The following CHD2 variants were observed in gnomAD, a reference collection of about 807,000 sequenced individuals.
CHD2 encodes the protein ATP-dependent chromatin remodeler CHD2.
A neutral mutation model predicts 243.9 loss-of-function variants in CHD2; 28 were observed. The observed-to-expected ratio is 0.11, with a 90% CI of 0.09 to 0.16. CHD2 has a LOEUF of 0.16. Ranked by LOEUF, CHD2 falls within the 10% of genes least tolerant of loss-of-function variation. The pLI is 1.00. For missense variants in CHD2, 1,386 were observed against 2,209.8 expected, an observed-to-expected ratio of 0.63 and a Z score of 7.47; for synonymous variants, 775 against 779.0, an observed-to-expected ratio of 0.99 and a Z score of 0.09.
At position 92,944,389 on chromosome 15, in the gene CHD2, A is replaced by G. The variant is rs1358571701; in HGVS notation, c.1053-26A>G. ...GATCCCCAGACTTTAGTTTATGTGT[A>G]CTTTTTCTGTCTGTCTGCCATTCAG... On this transcript the variant is annotated intron_variant, in intron 9 of 38. Coordinates refer to ENST00000394196, the MANE Select transcript of CHD2 (RefSeq NM_001271.4). The G allele has an allele frequency of 4.4e-6, 6 of 1,368,506 alleles. No homozygotes were observed. The African/African-American group carries it at 7.2e-5, about 16-fold the overall frequency. The allele number at this position is 1,368,506 out of a possible 1,614,324, so 84.8% of individuals were successfully genotyped here.
chr15:93,002,174 T>A lies in CHD2; in HGVS notation c.4138-3T>A. The A allele has an allele frequency of 6.3e-7, 1 of 1,580,756 alleles. No homozygotes were observed. Among genetic ancestry groups the A allele is most frequent in the Non-Finnish European group, 8.5e-7 (1 of 1,171,330 alleles). ...AAATTCATAGCCCTGTTTTGTTTCC[T>A]AGGATGATGGCTTGGAAAAAAGTCC... On this transcript the variant is annotated splice_polypyrimidine_tract_variant and splice_region_variant and intron_variant, in intron 32 of 38. Coordinates refer to ENST00000394196, the MANE Select transcript of CHD2 (RefSeq NM_001271.4).
At chr15:92,989,096 A>T (rs1407560927) in intron 26 of CHD2, among the ~76,000 whole-genome samples, 1 of 128,292 alleles carries the variant, frequency 7.8e-6, no homozygotes, top group Non-Finnish European at 1.5e-5. Context: ...CAATGGCGCG[A>T]TTTTGGCTCA....
In CHD2 at chr15:93,024,985, T is replaced by A. The variant is rs1378286769; in HGVS notation, c.*280T>A. 5 of 391,854 alleles carry A rather than the reference T, an allele frequency of 1.3e-5. No individual in the cohort carries two copies. The highest frequency in any genetic ancestry group is 1.0e-4 in the African/African-American group (5 of 48,266). The allele number at this position is 391,854 out of a possible 1,614,324, so 24.3% of individuals were successfully genotyped here. On this transcript the variant is annotated 3_prime_UTR_variant, in exon 39 of 39. Transcript: ENST00000394196. Reference sequence around the variant, plus strand: ...TTGGAGGAGGAGCTGACTGTGTGTGTACCAGCTTCACTGGGATGTGTTTCC... The same window carrying A: ...TTGGAGGAGGAGCTGACTGTGTGTGAACCAGCTTCACTGGGATGTGTTTCC...
intron 3 of CHD2, among the ~76,000 whole-genome samples, chr15:92,926,112 C>G (rs1216050566): frequency 6.6e-6 from 1 of 152,182 alleles, no homozygotes; most frequent in Non-Finnish European, 1.5e-5. Context: ...GCTGGGACTA[C>G]AGGCACGTAT....
intron 10 of CHD2, 39 bp downstream of exon 10, chr15:92,944,554 TGAG>T (rs767189349): frequency 1.9e-6 from 2 of 1,042,122 alleles, no homozygotes; most frequent in East Asian, 5.0e-5. Context: ...TATTTGAACT[TGAG>T]GAATAGTGGC....
chr15:92,909,593 G>A (rs1187540642), intron 2 of CHD2, among the ~76,000 whole-genome samples: 2 of 152,114 alleles, frequency 1.3e-5, no homozygotes, highest in Admixed American at 1.3e-4. Context: ...TTGTTATTGT[G>A]GGGAGCGTCT....
intron 2 of CHD2, among the ~76,000 whole-genome samples, chr15:92,921,789 T>G (rs1366747968): frequency 1.3e-5 from 2 of 152,162 alleles, no homozygotes; most frequent in Non-Finnish European, 2.9e-5. Flanking sequence ...CTGGTAGATG[T>G]CACATAGGTT....
intron 2 of CHD2, among the ~76,000 whole-genome samples, chr15:92,918,810 TATATACAC>T (rs1200970546): frequency 6.7e-6 from 1 of 148,590 alleles, no homozygotes; most frequent in Non-Finnish European, 1.5e-5. Context: ...TATACACACA[TATATACAC>T]ATATACATAT....
chr15:92,933,755 A>C (rs923493885), intron 5 of CHD2, among the ~76,000 whole-genome samples: 1 of 152,130 alleles, frequency 6.6e-6, no homozygotes, highest in African/African-American at 2.4e-5. Context: ...GCAGGCGCAC[A>C]CCACCACACC....
Position 92,901,233 on chromosome 15 carries a change from A to T in CHD2, c.-5A>T. 6.4e-7 allele frequency: 1 copy of T among 1,572,050 alleles called. No individual in the cohort carries two copies. Among genetic ancestry groups the T allele is most frequent in the Non-Finnish European group, 8.7e-7 (1 of 1,143,074 alleles). ...CCCTCCCCCTTAATATTTAAGAATT[A>T]AAAGATGATGAGAAATAAGGACAAA... On this transcript the variant is annotated 5_prime_UTR_variant, in exon 2 of 39. Transcript: ENST00000394196.
In CHD2 at chr15:92,997,459, A is replaced by G. The variant is rs1390301296; in HGVS notation, c.3885+56A>G. On this transcript the variant is annotated intron_variant, in intron 30 of 38. Coordinates refer to ENST00000394196, the MANE Select transcript of CHD2 (RefSeq NM_001271.4). The surrounding 1 kb of genome is among the most constrained non-coding windows in gnomAD (Gnocchi z 4.1). ...AGAAGATTTGTTGTGTAATATTTTTATATCGATTACTTATTTCTAACTATT... is the reference window on the plus strand; with the variant it reads ...AGAAGATTTGTTGTGTAATATTTTTGTATCGATTACTTATTTCTAACTATT... 4.8e-6 allele frequency: 7 copies of G among 1,446,218 alleles called. No homozygotes were observed. The highest frequency in any genetic ancestry group is 5.5e-6 in the Non-Finnish European group (6 of 1,082,784). 89.6% of individuals were successfully genotyped at this position (1,446,218 alleles called of 1,614,324 possible).
chr15:92,932,304 T>TA (rs56856972), intron 5 of CHD2, among the ~76,000 whole-genome samples: 1 of 151,758 alleles, frequency 6.6e-6, no homozygotes, highest in Non-Finnish European at 1.5e-5. Context: ...TTTTTTTTTT[T>TA]AATTGTACTT....
chr15:92,921,113 CAT>C (rs1366345958), intron 2 of CHD2, among the ~76,000 whole-genome samples: 1 of 147,396 alleles, frequency 6.8e-6, no homozygotes, highest in Non-Finnish European at 1.5e-5. Context: ...ACTGCTGTGA[CAT>C]ATGTCAGTAT....
intron 2 of CHD2, among the ~76,000 whole-genome samples, chr15:92,914,182 T>G (rs914710642): frequency 6.6e-6 from 1 of 152,212 alleles, no homozygotes; most frequent in African/African-American, 2.4e-5. Context: ...CCTTAGGGCT[T>G]TAATGGGTGT....
intron 20 of CHD2, among the ~76,000 whole-genome samples, chr15:92,977,060 C>A (rs553304842): frequency 2.4e-4 from 36 of 152,100 alleles, no homozygotes; most frequent in African/African-American, 8.4e-4. Context: ...TCCACGTTAT[C>A]CTTGCTAAAG....
At chr15:92,928,054 G>A (rs1368736540) in intron 4 of CHD2, among the ~76,000 whole-genome samples, 1 of 152,132 alleles carries the variant, frequency 6.6e-6, no homozygotes, top group African/African-American at 2.4e-5. Flanking sequence ...TGCTTTCTTG[G>A]GAGGACTTTG....
chr15:93,002,484 G>C (rs2054269780), intron 33 of CHD2, among the ~76,000 whole-genome samples, 167 bp downstream of exon 33: 1 of 152,220 alleles, frequency 6.6e-6, no homozygotes, highest in Non-Finnish European at 1.5e-5. Context: ...TGTCCTTGCA[G>C]AGAGAGGGGA....
chr15:92,992,783 G>A, intron 27 of CHD2, 76 bp from the exon 28 acceptor site: 1 of 1,555,756 alleles, frequency 6.4e-7, no homozygotes, highest in Non-Finnish European at 8.7e-7. Flanking sequence ...ATTATGTGAG[G>A]CCTAGTGGCA....
intron 23 of CHD2, 77 bp from the exon 24 acceptor site, chr15:92,981,288 T>C: frequency 1.1e-6 from 1 of 943,234 alleles, no homozygotes; most frequent in Admixed American, 2.1e-5. Flanking sequence ...TTTTAGTAAA[T>C]ACGAATAATT....
Sources: allele counts gnomAD v4.1 joint callset (sites outside exome capture counted in the v4.1 genomes callset), GRCh38; gene constraint gnomAD v4.1.1; non-coding constraint Gnocchi (gnomAD v3.1); transcripts MANE v1.5; gene names NCBI Gene and HGNC (gene_info 2026-07-23, HGNC 2026-07-21).